CCDC38: variants seen among roughly 807,000 people sequenced by gnomAD.
CCDC38 encodes coiled-coil domain containing 38.
In CCDC38, 69 loss-of-function variants were observed where a neutral mutation model predicts 72.8. The ratio of observed to expected loss-of-function variants is 0.95; its 90% confidence interval spans 0.78 to 1.16. The LOEUF is 1.16. CCDC38 is among the 50% of genes most tolerant of loss of function. The pLI, the probability that CCDC38 is intolerant of heterozygous loss-of-function variation, is 0.00. For synonymous variants in CCDC38, 201 were observed against 213.2 expected (o/e 0.94, Z 0.50); for missense variants, 626 against 638.9 (o/e 0.98, Z 0.22).
At chr12:95,919,784 G>C (rs2080184597) in intron 2 of CCDC38, 4 of 352,760 alleles carry the variant, frequency 1.1e-5, no homozygotes, top group South Asian at 8.7e-5. Context: ...CCCTTAGGGA[G>C]AGCCTCTGCC....
rs753569741 is a variant in CCDC38 at position 95,917,256 on chromosome 12, T to C, written c.177A>G (p.Lys59=). The part of the protein sequence containing the change: ...FMNRNMKVYQ[K]TTFSSRMKSH... ...TCTTCATTCTGGATGAAAAAGTAGT[T>C]TTCTGGTAGACTTTCATGTTACGGT... is the stretch of plus-strand genomic sequence containing the variant. Residue 59 remains lysine, a synonymous_variant, in exon 4 of 16, where the codon AAA becomes AAG. Coordinates refer to ENST00000344280, the MANE Select transcript of CCDC38 (RefSeq NM_182496.3). The C allele has an allele frequency of 5.6e-6, 9 of 1,602,762 alleles. No homozygotes were observed. In the Admixed American group the frequency reaches 1.1e-4, roughly 19 times the overall value.
Position 95,881,497 on chromosome 12 carries a change from C to G in CCDC38, c.978G>C (p.Met326Ile). The G allele has an allele frequency of 1.2e-6, 2 of 1,607,752 alleles. No homozygotes were observed. Among genetic ancestry groups the G allele is most frequent in the Non-Finnish European group, 1.7e-6 (2 of 1,176,924 alleles). ...ATAATCTGGTTACCAAATCAACGTC[C>G]ATTTCATCATCTAAAAGGAATTCCA... ...DSLEFLLDDE[M>I]DVDLEPALYF... The change falls in exon 11 of 16, where the codon ATG becomes ATC. Residue 326 changes from methionine to isoleucine, a missense_variant. By Grantham distance (10) the Met-to-Ile change is conservative. Coordinates refer to ENST00000344280, the MANE Select transcript of CCDC38 (RefSeq NM_182496.3).
At chr12:95,909,068 T>G (rs1366921146) in intron 4 of CCDC38, among the ~76,000 whole-genome samples, 1 of 151,468 alleles carries the variant, frequency 6.6e-6, no homozygotes, top group Admixed American at 6.6e-5. Context: ...TAAATGAAAT[T>G]GAGACAAAAA....
At chr12:95,909,139 T>C (rs1045462651) in intron 4 of CCDC38, among the ~76,000 whole-genome samples, 1 of 151,886 alleles carries the variant, frequency 6.6e-6, no homozygotes, top group Non-Finnish European at 1.5e-5. Flanking sequence ...AAAAACAAGA[T>C]TGACAGACCA....
At chr12:95,932,042 A>G (rs1385144065) in intron 2 of CCDC38, among the ~76,000 whole-genome samples, 2 of 152,102 alleles carry the variant, frequency 1.3e-5, no homozygotes, top group African/African-American at 2.4e-5. Context: ...AGCAAGGATA[A>G]TTACTTAGTA....
At chr12:95,909,741 T>C (rs1216340153) in intron 4 of CCDC38, among the ~76,000 whole-genome samples, 1 of 152,286 alleles carries the variant, frequency 6.6e-6, no homozygotes, top group South Asian at 2.1e-4. Flanking sequence ...ACAAGGTTTG[T>C]TCAATATACA....
intron 1 of CCDC38, 77 bp from the exon 2 acceptor site, chr12:95,936,600 G>T: frequency 1.7e-6 from 2 of 1,193,626 alleles, no homozygotes; most frequent in South Asian, 2.6e-5. Context: ...AACTGCCAAT[G>T]ACTCCTTAAC....
intron 4 of CCDC38, among the ~76,000 whole-genome samples, chr12:95,908,141 G>C (rs11108329): frequency 0.14 from 21,401 of 151,660 alleles, 1,658 homozygotes; most frequent in South Asian, 0.27. Context: ...AGGGAGCCGA[G>C]ATCACGCCAC....
chr12:95,883,510 A>C (rs1002367013), intron 10 of CCDC38, among the ~76,000 whole-genome samples: 1 of 152,092 alleles, frequency 6.6e-6, no homozygotes, highest in Non-Finnish European at 1.5e-5. Flanking sequence ...GCTTGTCCTC[A>C]CTAACTCTTC....
chr12:95,908,269 G>C (rs1317944775), intron 4 of CCDC38, among the ~76,000 whole-genome samples: 2 of 151,250 alleles, frequency 1.3e-5, no homozygotes, highest in African/African-American at 2.4e-5. Flanking sequence ...AGACCAGCCC[G>C]GCCAACACAG....
intron 4 of CCDC38, among the ~76,000 whole-genome samples, chr12:95,912,209 T>C (rs191289664): frequency 2.6e-5 from 4 of 152,234 alleles, no homozygotes; most frequent in Admixed American, 2.6e-4. Context: ...CACTGAGGCC[T>C]CCTAAAGCAG....
At chr12:95,908,126 G>A (rs1312279621) in intron 4 of CCDC38, among the ~76,000 whole-genome samples, 2 of 151,954 alleles carry the variant, frequency 1.3e-5, no homozygotes, top group African/African-American at 4.8e-5. Context: ...GGAGGTGGAT[G>A]TTGTAGGGAG....
chr12:95,932,514 C>T (rs932133234), intron 2 of CCDC38, among the ~76,000 whole-genome samples: 3 of 151,968 alleles, frequency 2.0e-5, no homozygotes, highest in African/African-American at 4.8e-5. Context: ...TGTCTCCAAT[C>T]GTACTGATGT....
chr12:95,922,349 G>A (rs939681038), intron 2 of CCDC38, among the ~76,000 whole-genome samples: 2 of 152,204 alleles, frequency 1.3e-5, no homozygotes, highest in Non-Finnish European at 2.9e-5. Flanking sequence ...TATACTCATA[G>A]CCTGGGGGAG....
intron 4 of CCDC38, among the ~76,000 whole-genome samples, chr12:95,908,276 A>T (rs2080035865): frequency 6.6e-6 from 1 of 151,304 alleles, no homozygotes; most frequent in Non-Finnish European, 1.5e-5. Context: ...CCCGGCCAAC[A>T]CAGCGAAACC....
At chr12:95,911,556 A>C (rs118076976) in intron 4 of CCDC38, among the ~76,000 whole-genome samples, 203 of 152,298 alleles carry the variant, frequency 1.3e-3, no homozygotes, top group Middle Eastern at 3.4e-3. Flanking sequence ...CAAGAAAAAA[A>C]CACATTGAAA....
Position 95,907,803 on chromosome 12 carries a change from G to A in CCDC38, c.305-1352C>T, listed in dbSNP as rs541169517. On this transcript the variant is annotated intron_variant, in intron 4 of 15. Transcript: ENST00000344280. Reference sequence around the variant, plus strand: ...AGAGACGCTCCTCACATCCCGGACGGGGCGACAGGGCAGAGGCGCTCCCCA... The same window carrying A: ...AGAGACGCTCCTCACATCCCGGACGAGGCGACAGGGCAGAGGCGCTCCCCA... 6.0e-5 allele frequency among the ~76,000 whole-genome samples: 9 copies of A among 151,014 alleles called. 1 individual carries two copies. In the South Asian group the frequency reaches 1.9e-3, roughly 32 times the overall value.
chr12:95,880,227 T>G (rs10777748), intron 11 of CCDC38, among the ~76,000 whole-genome samples: 113,738 of 152,162 alleles, frequency 0.75, 43,259 homozygotes, highest in African/African-American at 0.79. Context: ...TTTAAAAAAT[T>G]ACTTGGGCAT....
chr12:95,893,470 T>C (rs368872262), intron 8 of CCDC38, among the ~76,000 whole-genome samples: 2 of 81,058 alleles, frequency 2.5e-5, no homozygotes, highest in African/African-American at 6.7e-5. Context: ...CTCTCTCTCT[T>C]TCTCTCTCTC....
Sources: gnomAD v4.1 joint callset for allele counts (sites outside exome capture counted in the v4.1 genomes callset) on GRCh38, gnomAD v4.1.1 for gene constraint, MANE v1.5 for transcripts, NCBI Gene and HGNC (gene_info 2026-07-23, HGNC 2026-07-21) for gene names.